Variants in ATP8A1 observed in about 807,000 individuals in gnomAD.
The protein encoded by ATP8A1 is phospholipid-transporting ATPase IA.
ATP8A1 carries 90 observed loss-of-function variants against 177.7 expected under a neutral mutation model. The observed-to-expected ratio is 0.51, with a 90% confidence interval of 0.43 to 0.60. The LOEUF is 0.60. Among genes scored for constraint, ATP8A1 ranks in the 20% least tolerant of loss-of-function variants. The pLI, the probability that ATP8A1 is intolerant of heterozygous loss-of-function variation, is 0.00. For missense variants in ATP8A1, 1,072 were observed against 1,392.8 expected (o/e 0.77, Z 3.67); for synonymous variants, 493 against 485.9 (o/e 1.01, Z -0.19).
At chr4:42,609,306 T>C (rs1217937689) in intron 5 of ATP8A1, among the ~76,000 whole-genome samples, 1 of 152,130 alleles carries the variant, frequency 6.6e-6, no homozygotes, top group Non-Finnish European at 1.5e-5. Context: ...CTCCAGGGGA[T>C]TCTGATGCCA....
At chr4:42,650,569 C>A (rs1264279055) in intron 1 of ATP8A1, among the ~76,000 whole-genome samples, 19 of 152,128 alleles carry the variant, frequency 1.2e-4, no homozygotes, top group Non-Finnish European at 5.9e-5. Flanking sequence ...CCTTTTGTTA[C>A]CTTTTATGTA....
At chr4:42,504,663 TG>T (rs1724187281) in intron 23 of ATP8A1, among the ~76,000 whole-genome samples, 1 of 152,208 alleles carries the variant, frequency 6.6e-6, no homozygotes, top group Admixed American at 6.5e-5. Flanking sequence ...GCCTATTCAC[TG>T]GTCTCCCTGA....
rs992704848 is a variant in ATP8A1, at chr4:42,411,485, T to C, written c.*1431A>G. On this transcript the variant is annotated 3_prime_UTR_variant, in exon 37 of 37. Coordinates refer to ENST00000381668, the MANE Select transcript of ATP8A1 (RefSeq NM_006095.2). ...ATAGTTTGCTTCAATCTCTGAAGTGTATCTGAAAACTAATTCCTTTTTTTC... is the reference window on the plus strand; with the variant it reads ...ATAGTTTGCTTCAATCTCTGAAGTGCATCTGAAAACTAATTCCTTTTTTTC... 3.3e-5 allele frequency: 5 copies of C among 152,234 alleles called. No individual in the cohort carries two copies. Among genetic ancestry groups the C allele is most frequent in the Non-Finnish European group, 7.3e-5 (5 of 68,036 alleles). 9.4% of individuals were successfully genotyped at this position (152,234 alleles called of 1,614,324 possible).
Position 42,552,579 on chromosome 4 carries a change from G to T in ATP8A1, c.1445C>A (p.Thr482Lys), listed in dbSNP as rs765318678. Residue 482 changes from threonine (T) to lysine (K), a missense_variant, in exon 17 of 37, where the codon ACA becomes AAA. Coordinates refer to ENST00000381668, the MANE Select transcript of ATP8A1 (RefSeq NM_006095.2). Reference protein sequence around the residue: ...PTAPIICEFLTMMAVCHTAVP... With the variant: ...PTAPIICEFLKMMAVCHTAVP... Reference sequence around the variant, plus strand: ...TGCTGTGTGACAGACTGCCATCATTGTAAGAAATTCACATATTATAGGTGC... The same window carrying T: ...TGCTGTGTGACAGACTGCCATCATTTTAAGAAATTCACATATTATAGGTGC... 2.5e-6 allele frequency: 4 copies of T among 1,613,618 alleles called. No individual in the cohort carries two copies. Among genetic ancestry groups the T allele is most frequent in the South Asian group, 2.2e-5 (2 of 91,010 alleles).
chr4:42,634,059 G>A (rs1739028981), intron 1 of ATP8A1, among the ~76,000 whole-genome samples: 2 of 152,188 alleles, frequency 1.3e-5, no homozygotes, highest in African/African-American at 4.8e-5. Flanking sequence ...TTATGCAGTA[G>A]GAATTCACTG....
At chr4:42,435,254 C>T (rs1715783041) in intron 33 of ATP8A1, among the ~76,000 whole-genome samples, 1 of 151,448 alleles carries the variant, frequency 6.6e-6, no homozygotes, top group Admixed American at 6.6e-5. Context: ...GGCAAAAACC[C>T]ATCTCTACTA....
At chr4:42,635,778 CACACAT>C (rs1409144282) in intron 1 of ATP8A1, among the ~76,000 whole-genome samples, 43 of 33,660 alleles carry the variant, frequency 1.3e-3, no homozygotes, top group South Asian at 3.3e-3. Context: ...CACACACACA[CACACAT>C]ATATATATAT....
intron 16 of ATP8A1, 64 bp downstream of exon 16, chr4:42,555,904 G>T: frequency 9.2e-7 from 1 of 1,092,340 alleles, no homozygotes; most frequent in Non-Finnish European, 1.4e-6. Flanking sequence ...ATAGAAGATA[G>T]TTCAGAGAAA....
intron 35 of ATP8A1, among the ~76,000 whole-genome samples, chr4:42,415,667 T>A (rs141177377): frequency 5.4e-4 from 83 of 152,356 alleles, no homozygotes; most frequent in African/African-American, 1.8e-3. Flanking sequence ...CAAATGTTTA[T>A]GCAATTTTAA....
chr4:42,605,222 ATTT>A (rs1158587046), intron 5 of ATP8A1, among the ~76,000 whole-genome samples: 1 of 152,208 alleles, frequency 6.6e-6, no homozygotes, highest in Non-Finnish European at 1.5e-5. Flanking sequence ...CCAATGAACT[ATTT>A]TAACATTTGC....
chr4:42,492,976 G>A (rs548534793), intron 24 of ATP8A1, among the ~76,000 whole-genome samples: 1 of 152,308 alleles, frequency 6.6e-6, no homozygotes, highest in African/African-American at 2.4e-5. Flanking sequence ...GAACAAAGAT[G>A]GTGACTCTAC....
intron 27 of ATP8A1, among the ~76,000 whole-genome samples, chr4:42,459,722 T>C (rs543604630): frequency 3.0e-4 from 45 of 152,348 alleles, no homozygotes; most frequent in African/African-American, 9.6e-4. Context: ...AATCTAGCAG[T>C]AATGAACGAG....
intron 15 of ATP8A1, among the ~76,000 whole-genome samples, chr4:42,561,233 G>A (rs542660592): frequency 3.3e-5 from 5 of 152,228 alleles, no homozygotes; most frequent in South Asian, 2.1e-4. Context: ...GGACAGGTGC[G>A]CACTGGGCCT....
chr4:42,452,251 C>T (rs1315225050), intron 29 of ATP8A1, among the ~76,000 whole-genome samples, 192 bp from the exon 30 acceptor site: 2 of 152,090 alleles, frequency 1.3e-5, no homozygotes, highest in African/African-American at 4.8e-5. Flanking sequence ...TTATGTTTCT[C>T]AAAATGTTTT....
At chr4:42,552,658 T>C (rs1479403986) in intron 16 of ATP8A1, 48 bp from the exon 17 acceptor site, 2 of 1,304,686 alleles carry the variant, frequency 1.5e-6, no homozygotes, top group East Asian at 2.3e-5. Context: ...GTGAACATTT[T>C]GACACTGACA....
At chr4:42,526,034 A>T (rs1262465018) in intron 20 of ATP8A1, among the ~76,000 whole-genome samples, 4 of 152,198 alleles carry the variant, frequency 2.6e-5, no homozygotes, top group African/African-American at 4.8e-5. Flanking sequence ...ATTAAATTTG[A>T]AAATAATATT....
intron 20 of ATP8A1, among the ~76,000 whole-genome samples, chr4:42,529,448 T>G (rs1039031343): frequency 2.0e-5 from 3 of 152,214 alleles, no homozygotes; most frequent in Non-Finnish European, 2.9e-5. Context: ...TTCTGACCCA[T>G]CTAGCCATCA....
At chr4:42,507,223 T>C (rs1396211915) in intron 22 of ATP8A1, 69 bp from the exon 23 acceptor site, 44 of 1,472,244 alleles carry the variant, frequency 3.0e-5, no homozygotes, top group Admixed American at 5.9e-5. Flanking sequence ...AAAATTGAAG[T>C]GTGTATATGT....
chr4:42,604,671 C>CAGAAA, intron 5 of ATP8A1, among the ~76,000 whole-genome samples: 1 of 152,316 alleles, frequency 6.6e-6, no homozygotes, highest in Admixed American at 6.5e-5. Flanking sequence ...AATTCTACTA[C>CAGAAA]TAGGTGTATA....
Sources: gnomAD v4.1 joint callset for allele counts (sites outside exome capture counted in the v4.1 genomes callset) on GRCh38, gnomAD v4.1.1 for gene constraint, MANE v1.5 for transcripts, NCBI Gene and HGNC (gene_info 2026-07-23, HGNC 2026-07-21) for gene names.